The following NPLOC4 variants were observed in gnomAD, a reference collection of about 807,000 sequenced individuals.
NPLOC4 encodes NPL4 homolog, ubiquitin recognition factor.
NPLOC4 carries 18 observed loss-of-function variants against 80.6 expected under a neutral mutation model. The observed-to-expected ratio is 0.22, with a 90% CI of 0.15 to 0.33. The LOEUF (loss-of-function observed/expected upper bound fraction) is 0.33. Ranked by LOEUF, NPLOC4 falls within the 10% of genes least tolerant of loss-of-function variation. The probability of loss-of-function intolerance (pLI) is 1.00; values close to 1 mark genes in which losing one functional copy is unlikely to be tolerated. For synonymous variants in NPLOC4, 313 were observed against 301.5 expected, an observed-to-expected ratio of 1.04 and a Z score of -0.39; for missense variants, 540 against 786.1, an observed-to-expected ratio of 0.69 and a Z score of 3.74.
intron 1 of NPLOC4, 126 bp downstream of exon 1, chr17:81,636,790 C>T: frequency 1.9e-6 from 2 of 1,055,234 alleles, no homozygotes; most frequent in Non-Finnish European, 2.4e-6. Context: ...ACAGAGAAAG[C>T]CCTGGCGAGA....
chr17:81,587,674 G>GTTTTTTTTT (rs34643456), intron 12 of NPLOC4, among the ~76,000 whole-genome samples: 11 of 93,412 alleles, frequency 1.2e-4, no homozygotes, highest in African/African-American at 4.8e-4. Context: ...GAAAAAAGTT[G>GTTTTTTTTT]TTTTTTTTTT....
rs201724783 is a variant in NPLOC4 at position 81,559,316 on chromosome 17, C to T, written c.1770G>A (p.Thr590=). The T allele has an allele frequency of 8.4e-5, 135 of 1,606,658 alleles. No individual in the cohort carries two copies. The highest frequency in any genetic ancestry group is 3.6e-4 in the Admixed American group (21 of 58,750). The change falls in exon 17 of 17, where the codon ACG becomes ACA. Residue 590 remains threonine (T), a synonymous_variant. Coordinates refer to ENST00000331134, the MANE Select transcript of NPLOC4 (RefSeq NM_017921.4). ...GGCCTGTGCCTGGCTGGTTCATGAA[C>T]GTGCAGTGCTGACAGGCCCACATGG... ...TAAMWACQHC[T]FMNQPGTGHC...
At chr17:81,622,632 C>T (rs1308342937) in intron 2 of NPLOC4, among the ~76,000 whole-genome samples, 1 of 152,172 alleles carries the variant, frequency 6.6e-6, no homozygotes, top group African/African-American at 2.4e-5. Context: ...CTTACTGCAA[C>T]CTCCACATCC....
rs371100522 is a variant in NPLOC4, at chr17:81,572,053, C to G, written c.1317G>C (p.Leu439=). 6.2e-7 allele frequency: 1 copy of G among 1,609,052 alleles called. No individual in the cohort carries two copies. Among genetic ancestry groups the G allele is most frequent in the Non-Finnish European group, 8.5e-7 (1 of 1,177,134 alleles). ...VDKFGNEITQ[L]ARPLPVEYLI... ...GATACTCCACAGGCAGGGGCCGGGC[C>G]AGCTGGGTGATCTCGTTGCCAAACT... The change falls in exon 13 of 17, where the codon CTG becomes CTC. Residue 439 remains leucine, a synonymous_variant. Coordinates refer to ENST00000331134, the MANE Select transcript of NPLOC4 (RefSeq NM_017921.4). The surrounding 1 kb of genome is among the most constrained non-coding windows in gnomAD (Gnocchi z 4.5).
Position 81,567,015 on chromosome 17 carries a change from T to G in NPLOC4, c.1566+402A>C. On this transcript the variant is annotated intron_variant, in intron 15 of 16. Coordinates refer to ENST00000331134, the MANE Select transcript of NPLOC4 (RefSeq NM_017921.4). The surrounding 1 kb of genome is among the most constrained non-coding windows in gnomAD (Gnocchi z 4.5). ...CCAAGGCAATAAAACCAGAGTTGAT[T>G]TAGGAGGAGGGGAGATATGAGTAAA... 1 of 182,366 alleles carries G rather than the reference T, an allele frequency of 5.5e-6. No homozygotes were observed. Among genetic ancestry groups the G allele is most frequent in the Non-Finnish European group, 1.2e-5 (1 of 85,668 alleles). The allele number at this position is 182,366 out of a possible 1,614,324, so 11.3% of individuals were successfully genotyped here.
intron 7 of NPLOC4, among the ~76,000 whole-genome samples, chr17:81,606,269 G>C (rs1167436275): frequency 6.6e-6 from 1 of 152,136 alleles, no homozygotes; most frequent in Non-Finnish European, 1.5e-5. Context: ...CTCAGAGGCG[G>C]GACAAGGACA....
chr17:81,600,622 T>C (rs78500024), intron 8 of NPLOC4, among the ~76,000 whole-genome samples, 195 bp from the exon 9 acceptor site: 14,252 of 152,082 alleles, frequency 0.094, 733 homozygotes, highest in Middle Eastern at 0.17. Flanking sequence ...TGCTGCACCT[T>C]TTACCAGGGC....
intron 11 of NPLOC4, 107 bp downstream of exon 11, chr17:81,596,009 T>A: frequency 1.8e-6 from 2 of 1,132,364 alleles, no homozygotes; most frequent in East Asian, 4.8e-5. Flanking sequence ...ACAAGCCCAG[T>A]AAGAAAGTCC....
chr17:81,628,461 C>T (rs113337188), intron 2 of NPLOC4, among the ~76,000 whole-genome samples: 1 of 151,632 alleles, frequency 6.6e-6, no homozygotes, highest in Non-Finnish European at 1.5e-5. Context: ...TGCAGTGAGC[C>T]GAGATCATGC....
intron 4 of NPLOC4, among the ~76,000 whole-genome samples, chr17:81,612,213 C>T (rs1049603717): frequency 7.2e-5 from 11 of 152,230 alleles, no homozygotes; most frequent in African/African-American, 1.7e-4. Context: ...CGCCGGCGGC[C>T]GTCCCTCCGG....
chr17:81,605,815 A>G (rs1195773605), intron 7 of NPLOC4, among the ~76,000 whole-genome samples: 2 of 118,508 alleles, frequency 1.7e-5, no homozygotes, highest in African/African-American at 2.6e-5. Flanking sequence ...CAAAAAACAA[A>G]CACATTTTCT....
chr17:81,569,216 G>C (rs111254647), intron 13 of NPLOC4, 105 bp from the exon 14 acceptor site: 1 of 693,448 alleles, frequency 1.4e-6, no homozygotes. Flanking sequence ...ACGACTCCTA[G>C]CAATTCTGAG....
At chr17:81,579,528 T>A (rs2034383681) in intron 12 of NPLOC4, among the ~76,000 whole-genome samples, 1 of 152,104 alleles carries the variant, frequency 6.6e-6, no homozygotes, top group South Asian at 2.1e-4. Flanking sequence ...CCCCTTCAGC[T>A]GACCCTGTGG....
intron 11 of NPLOC4, among the ~76,000 whole-genome samples, chr17:81,595,148 A>C (rs1235778300): frequency 6.6e-6 from 1 of 152,060 alleles, no homozygotes; most frequent in Admixed American, 6.6e-5. Context: ...CTCCTGGCTC[A>C]ACCTCCCAAA....
chr17:81,559,373 G>A lies in NPLOC4; in HGVS notation c.1713C>T (p.Ala571=), dbSNP rs200065610. The A allele has an allele frequency of 3.4e-4, 553 of 1,609,720 alleles. 1 individual carries two copies. Among genetic ancestry groups the A allele is most frequent in the African/African-American group, 1.3e-3 (95 of 74,978 alleles). The stretch of plus-strand genomic sequence containing the variant: ...TGGCCGTGTGTGTGGAGCCCCCGAC[G>A]GCGCCGTACTCATGGAGACCTGGGA... ...GQLPGLHEYG[A]VGGSTHTATA... Residue 571 remains alanine (A), a synonymous_variant, in exon 17 of 17, where the codon GCC becomes GCT. Transcript: ENST00000331134.
chr17:81,604,436 G>A (rs1231465778), intron 8 of NPLOC4, 112 bp downstream of exon 8: 1 of 947,502 alleles, frequency 1.1e-6, no homozygotes, highest in African/African-American at 1.7e-5. Context: ...GCACCGGTGT[G>A]TGACAAAGGG....
chr17:81,581,595 A>C (rs2034443136), intron 12 of NPLOC4, among the ~76,000 whole-genome samples: 1 of 152,174 alleles, frequency 6.6e-6, no homozygotes, highest in Non-Finnish European at 1.5e-5. Context: ...CCACAGCACC[A>C]AGGCCACCTC....
In NPLOC4 at chr17:81,637,100, C is replaced by A. The variant is rs2036105249; in HGVS notation, c.-170G>T. ...TCCGCCAGCCGCCGACGTCCCGGTG[C>A]CTCGCTCAATACGCTCCCCTCGGGC... is the stretch of plus-strand genomic sequence containing the variant. On this transcript the variant is annotated 5_prime_UTR_variant, in exon 1 of 17. Coordinates refer to ENST00000331134, the MANE Select transcript of NPLOC4 (RefSeq NM_017921.4). The A allele has an allele frequency of 8.1e-6, 3 of 369,876 alleles. No homozygotes were observed. The highest frequency in any genetic ancestry group is 1.4e-5 in the Non-Finnish European group (3 of 212,902). The allele number at this position is 369,876 out of a possible 1,614,324, so 22.9% of individuals were successfully genotyped here.
intron 1 of NPLOC4, among the ~76,000 whole-genome samples, chr17:81,632,406 C>T (rs62074743): frequency 0.024 from 3,598 of 150,124 alleles, 140 homozygotes; most frequent in African/African-American, 0.083. Flanking sequence ...TCTGCCTCCC[C>T]GGTTCAAGTG....
Sources: allele counts gnomAD v4.1 joint callset (sites outside exome capture counted in the v4.1 genomes callset), GRCh38; gene constraint gnomAD v4.1.1; non-coding constraint Gnocchi (gnomAD v3.1); transcripts MANE v1.5; gene names NCBI Gene and HGNC (gene_info 2026-07-23, HGNC 2026-07-21).